The following THSD4 variants were observed in gnomAD, a reference collection of about 807,000 sequenced individuals.
THSD4 encodes thrombospondin type-1 domain-containing protein 4.
THSD4 carries 69 observed loss-of-function variants against 119.0 expected under a neutral mutation model. That is an observed-to-expected ratio of 0.58 (90% confidence interval 0.48 to 0.71). The LOEUF (loss-of-function observed/expected upper bound fraction) is 0.71. Among genes scored for constraint, THSD4 ranks in the 30% least tolerant of loss-of-function variants. The pLI is 0.00. For synonymous variants in THSD4, 524 were observed against 540.4 expected, an observed-to-expected ratio of 0.97 and a Z score of 0.42; for missense variants, 1,393 against 1,391.1, an observed-to-expected ratio of 1.00 and a Z score of -0.02.
intron 5 of THSD4, among the ~76,000 whole-genome samples, chr15:71,247,906 G>A (rs1241266523): frequency 6.6e-6 from 1 of 152,206 alleles, no homozygotes; most frequent in East Asian, 1.9e-4. Context: ...TTGCAACAGA[G>A]GAAGGAGAAA....
chr15:71,440,150 T>C (rs2047070673), intron 7 of THSD4, among the ~76,000 whole-genome samples: 1 of 152,168 alleles, frequency 6.6e-6, no homozygotes, highest in Non-Finnish European at 1.5e-5. Context: ...GTGACAGCCA[T>C]GATTGTCATT....
At chr15:71,220,953 G>C (rs931829159) in intron 4 of THSD4, among the ~76,000 whole-genome samples, 3 of 152,144 alleles carry the variant, frequency 2.0e-5, no homozygotes, top group African/African-American at 7.2e-5. Context: ...AGGCTAGGGG[G>C]TTCATCCTTC....
chr15:71,459,384 CTCTCTCTCTCTCTCTCTCTCTG>C (rs2086985464), intron 7 of THSD4, among the ~76,000 whole-genome samples: 1 of 133,466 alleles, frequency 7.5e-6, no homozygotes, highest in Non-Finnish European at 1.8e-5. Flanking sequence ...CTCTCTGTCT[CTCTCTCTCTCTCTCTCTCTCTG>C]TCTCTCTCTC....
chr15:71,382,330 C>T (rs1248854597), intron 6 of THSD4, among the ~76,000 whole-genome samples: 1 of 152,162 alleles, frequency 6.6e-6, no homozygotes, highest in Non-Finnish European at 1.5e-5. Flanking sequence ...TCCAAGAAAA[C>T]GTTCTTCTTT....
intron 7 of THSD4, among the ~76,000 whole-genome samples, chr15:71,443,128 G>A (rs1192999471): frequency 6.6e-6 from 1 of 152,158 alleles, no homozygotes; most frequent in Non-Finnish European, 1.5e-5. Context: ...ACTGAATCTA[G>A]GTGAAGGGTA....
intron 6 of THSD4, among the ~76,000 whole-genome samples, chr15:71,271,047 T>C (rs1013900829): frequency 2.6e-5 from 4 of 152,174 alleles, no homozygotes; most frequent in African/African-American, 9.7e-5. Context: ...TTTTTCTTCC[T>C]GTAGAATGTG....
intron 7 of THSD4, chr15:71,547,784 A>C (rs911046016): frequency 1.3e-5 from 3 of 222,568 alleles, no homozygotes; most frequent in African/African-American, 6.8e-5. Context: ...AGCAGAAAAA[A>C]AAAAAGATGT....
intron 7 of THSD4, among the ~76,000 whole-genome samples, chr15:71,530,708 G>C (rs993328006): frequency 6.6e-6 from 1 of 152,096 alleles, no homozygotes; most frequent in Non-Finnish European, 1.5e-5. Flanking sequence ...TCACCCTGAA[G>C]AGATGTATCC....
intron 7 of THSD4, among the ~76,000 whole-genome samples, chr15:71,651,307 G>A (rs935611558): frequency 2.0e-5 from 3 of 152,122 alleles, no homozygotes; most frequent in African/African-American, 7.2e-5. Context: ...CCATCACTTT[G>A]TGCCCATCTT....
intron 6 of THSD4, among the ~76,000 whole-genome samples, chr15:71,260,281 G>T (rs1391372809): frequency 1.3e-5 from 2 of 152,058 alleles, no homozygotes; most frequent in Non-Finnish European, 2.9e-5. Context: ...CTTATTTTTT[G>T]AACATTTGAT....
At chr15:71,154,380 C>T (rs1258883844) in intron 2 of THSD4, among the ~76,000 whole-genome samples, 2 of 152,172 alleles carry the variant, frequency 1.3e-5, no homozygotes, top group Admixed American at 1.3e-4. Context: ...GGAATGGTTC[C>T]CAGGAAAGCA....
chr15:71,494,085 G>A (rs1206622508), intron 7 of THSD4, among the ~76,000 whole-genome samples: 1 of 152,152 alleles, frequency 6.6e-6, no homozygotes, highest in Non-Finnish European at 1.5e-5. Flanking sequence ...ATTGAAGATT[G>A]TGAGGGCCAA....
intron 6 of THSD4, among the ~76,000 whole-genome samples, chr15:71,287,284 T>C (rs2044730214): frequency 6.6e-6 from 1 of 152,236 alleles, no homozygotes. Flanking sequence ...GTTCATTGTT[T>C]TTATCATTTC....
chr15:71,733,387 A>G (rs973477758), intron 10 of THSD4: 17 of 152,188 alleles, frequency 1.1e-4, no homozygotes, highest in Admixed American at 2.6e-4. Context: ...GAAAAACCCT[A>G]TAAGGTGGTT....
intron 6 of THSD4, among the ~76,000 whole-genome samples, chr15:71,333,877 G>C (rs1344779749): frequency 2.0e-5 from 3 of 152,152 alleles, no homozygotes; most frequent in African/African-American, 7.2e-5. Flanking sequence ...TGCTACAGAA[G>C]GTTGTGGCTT....
chr15:71,293,038 C>T (rs1427363785), intron 6 of THSD4, among the ~76,000 whole-genome samples: 2 of 152,130 alleles, frequency 1.3e-5, no homozygotes, highest in Non-Finnish European at 1.5e-5. Context: ...CCTCCAAGTT[C>T]TTTTTGTGTT....
At chr15:71,522,128 T>C (rs1485537111) in intron 7 of THSD4, among the ~76,000 whole-genome samples, 1 of 152,180 alleles carries the variant, frequency 6.6e-6, no homozygotes. Flanking sequence ...ACCTACTCTT[T>C]AAGATGGAGT....
At chr15:71,522,945 G>A (rs1042921514) in intron 7 of THSD4, among the ~76,000 whole-genome samples, 1 of 152,190 alleles carries the variant, frequency 6.6e-6, no homozygotes, top group Non-Finnish European at 1.5e-5. Flanking sequence ...AGCCAAGCCT[G>A]TCTGGATGCC....
At chr15:71,547,929 TGTGCTTAGAAAA>T (rs1229045714) in intron 7 of THSD4, among the ~76,000 whole-genome samples, 4 of 151,566 alleles carry the variant, frequency 2.6e-5, no homozygotes, top group Non-Finnish European at 5.9e-5. Context: ...TTTTCTTTGA[TGTGCTTAGAAAA>T]ATCTGTGCTT....
Sources: gnomAD v4.1 joint callset for allele counts (sites outside exome capture counted in the v4.1 genomes callset) on GRCh38, gnomAD v4.1.1 for gene constraint, MANE v1.5 for transcripts, NCBI Gene and HGNC (gene_info 2026-07-23, HGNC 2026-07-21) for gene names.